Variants in NRXN3 observed in about 807,000 individuals in gnomAD.
NRXN3 encodes the protein neurexin III.
NRXN3 carries 32 observed loss-of-function variants against 137.6 expected under a neutral mutation model. The observed-to-expected ratio is 0.23, with a 90% CI of 0.18 to 0.31. The LOEUF (loss-of-function observed/expected upper bound fraction) is 0.31. Among genes scored for constraint, NRXN3 ranks in the 10% least tolerant of loss-of-function variants. The probability of loss-of-function intolerance (pLI) is 1.00; values close to 1 mark genes in which losing one functional copy is unlikely to be tolerated. For synonymous variants in NRXN3, 798 were observed against 784.5 expected (o/e 1.02, Z -0.29); for missense variants, 1,574 against 2,062.5 (o/e 0.76, Z 4.59).
At chr14:79,009,903 A>T (rs1236329072) in intron 15 of NRXN3, among the ~76,000 whole-genome samples, 1 of 152,186 alleles carries the variant, frequency 6.6e-6, no homozygotes, top group Non-Finnish European at 1.5e-5. Flanking sequence ...AATTCAGCAA[A>T]TACTGTGGGA....
At chr14:79,279,923 G>T in intron 15 of NRXN3, 3 of 1,066,346 alleles carry the variant, frequency 2.8e-6, no homozygotes, top group East Asian at 7.8e-5. Context: ...TGGCTCCCGG[G>T]AGTGTGCGGT....
In NRXN3 at chr14:78,328,762, G is replaced by A. The variant is rs74326309; in HGVS notation, c.757+30902G>A. 5.2e-3 allele frequency among the ~76,000 whole-genome samples: 797 copies of A among 152,230 alleles called. 4 individuals are homozygous for A. Among genetic ancestry groups the A allele is most frequent in the Non-Finnish European group, 8.8e-3 (596 of 68,002 alleles). ...CAAGAGGAAGTGTGTAAGTCTCTCT[G>A]GGCAAAGAAGGAAAGGCTTTGAGAT... On this transcript the variant is annotated intron_variant, in intron 4 of 20. Coordinates refer to ENST00000335750, the MANE Select transcript of NRXN3 (RefSeq NM_001330195.2).
intron 15 of NRXN3, among the ~76,000 whole-genome samples, chr14:79,021,598 G>T (rs1175928512): frequency 2.6e-5 from 4 of 152,138 alleles, no homozygotes; most frequent in African/African-American, 9.7e-5. Context: ...TCACAATCTA[G>T]TGGAGAGGAT....
At chr14:79,538,725 C>A (rs769450651) in intron 16 of NRXN3, among the ~76,000 whole-genome samples, 4 of 152,150 alleles carry the variant, frequency 2.6e-5, no homozygotes, top group Non-Finnish European at 5.9e-5. Flanking sequence ...GTTTGCCAAT[C>A]GCAGCCACTT....
At chr14:79,792,536 G>T (rs2099148490) in intron 19 of NRXN3, among the ~76,000 whole-genome samples, 1 of 152,060 alleles carries the variant, frequency 6.6e-6, no homozygotes, top group Non-Finnish European at 1.5e-5. Flanking sequence ...CAAGAAAAAA[G>T]AATCTAGAAA....
At chr14:78,849,509 A>T (rs1254016035) in intron 10 of NRXN3, among the ~76,000 whole-genome samples, 1 of 152,162 alleles carries the variant, frequency 6.6e-6, no homozygotes, top group African/African-American at 2.4e-5. Flanking sequence ...TAAAAATTCC[A>T]TGATGTCCCA....
chr14:78,592,286 C>A (rs1385373897), intron 4 of NRXN3, among the ~76,000 whole-genome samples: 1 of 152,090 alleles, frequency 6.6e-6, no homozygotes, highest in African/African-American at 2.4e-5. Flanking sequence ...TTGTACAATT[C>A]TTGTGCAAAG....
At chr14:78,824,222 C>T (rs1401567630) in intron 10 of NRXN3, among the ~76,000 whole-genome samples, 1 of 149,336 alleles carries the variant, frequency 6.7e-6, no homozygotes, top group African/African-American at 2.4e-5. Flanking sequence ...GGCATATCTA[C>T]CCTCCCTGCC....
chr14:79,191,998 A>T (rs1290903841), intron 15 of NRXN3, among the ~76,000 whole-genome samples: 1 of 151,998 alleles, frequency 6.6e-6, no homozygotes, highest in Non-Finnish European at 1.5e-5. Context: ...TACCATGTGG[A>T]TACAATGAGT....
At chr14:78,542,306 AGAGGCAG>A (rs1391726597) in intron 4 of NRXN3, among the ~76,000 whole-genome samples, 2 of 152,194 alleles carry the variant, frequency 1.3e-5, no homozygotes, top group African/African-American at 4.8e-5. Context: ...GGTGGAGTCT[AGAGGCAG>A]TAGGCCTTCT....
At chr14:79,762,329 C>G (rs948364583) in intron 19 of NRXN3, among the ~76,000 whole-genome samples, 4 of 151,748 alleles carry the variant, frequency 2.6e-5, no homozygotes, top group Middle Eastern at 3.4e-3. Context: ...AAATGCTGCA[C>G]TCGCATGCTC....
chr14:79,746,409 A>G (rs1471179820), intron 19 of NRXN3, among the ~76,000 whole-genome samples: 1 of 152,064 alleles, frequency 6.6e-6, no homozygotes, highest in Non-Finnish European at 1.5e-5. Context: ...CCTGGCTGTG[A>G]AAGAATTCTT....
At chr14:79,561,044 C>A (rs901131366) in intron 16 of NRXN3, among the ~76,000 whole-genome samples, 48 of 152,242 alleles carry the variant, frequency 3.2e-4, no homozygotes, top group African/African-American at 1.0e-3. Flanking sequence ...TACTGGAAGT[C>A]TTTGCCACCA....
chr14:79,253,393 A>G (rs1194978521), intron 15 of NRXN3, among the ~76,000 whole-genome samples: 1 of 152,196 alleles, frequency 6.6e-6, no homozygotes, highest in Non-Finnish European at 1.5e-5. Context: ...CCTCCAGAGC[A>G]TGAGGCTAGA....
chr14:79,572,964 GA>G (rs2097623403), intron 16 of NRXN3: 1 of 152,160 alleles, frequency 6.6e-6, no homozygotes, highest in South Asian at 2.1e-4. Flanking sequence ...GCCAGAATGT[GA>G]AGTAAGAGGA....
At chr14:79,151,594 G>C (rs1460234552) in intron 15 of NRXN3, among the ~76,000 whole-genome samples, 1 of 152,024 alleles carries the variant, frequency 6.6e-6, no homozygotes, top group Non-Finnish European at 1.5e-5. Flanking sequence ...TGAGATAAAA[G>C]AAAGCAGCCT....
chr14:78,368,618 C>T (rs1232647944), intron 4 of NRXN3, among the ~76,000 whole-genome samples: 2 of 152,106 alleles, frequency 1.3e-5, no homozygotes, highest in Non-Finnish European at 1.5e-5. Flanking sequence ...TCACTTGAAT[C>T]CAGGAGGTGG....
intron 19 of NRXN3, among the ~76,000 whole-genome samples, chr14:79,705,195 C>T (rs928877061): frequency 1.3e-5 from 2 of 152,100 alleles, no homozygotes; most frequent in Admixed American, 1.3e-4. Flanking sequence ...GGGGTCAGTT[C>T]TTGGCTACCC....
chr14:79,744,732 G>A (rs985378321), intron 19 of NRXN3, among the ~76,000 whole-genome samples: 6 of 152,014 alleles, frequency 3.9e-5, no homozygotes, highest in Non-Finnish European at 7.4e-5. Context: ...GTGTAGATAA[G>A]TTGAACAATC....
Sources: allele counts gnomAD v4.1 joint callset (sites outside exome capture counted in the v4.1 genomes callset), GRCh38; gene constraint gnomAD v4.1.1; transcripts MANE v1.5; gene names NCBI Gene and HGNC (gene_info 2026-07-23, HGNC 2026-07-21).